LUZP2: variants seen among roughly 807,000 people sequenced by gnomAD.
The protein encoded by LUZP2 is leucine zipper protein 2.
Under a neutral mutation model 51.6 loss-of-function variants are expected in LUZP2, and 52 were observed. The ratio of observed to expected loss-of-function variants is 1.01; its 90% CI spans 0.81 to 1.27. The LOEUF is 1.27. LUZP2 is among the 50% of genes most tolerant of loss of function. The pLI is 0.00. For synonymous variants in LUZP2, 154 were observed against 137.3 expected (o/e 1.12, Z -0.85); for missense variants, 436 against 395.4 (o/e 1.10, Z -0.87).
intron 1 of LUZP2, among the ~76,000 whole-genome samples, chr11:24,662,949 A>G (rs533022126): frequency 1.3e-5 from 2 of 152,200 alleles, no homozygotes; most frequent in East Asian, 1.9e-4. Context: ...AAAATTCATT[A>G]AAATGATTCA....
At chr11:24,915,715 A>G (rs369321381) in intron 7 of LUZP2, among the ~76,000 whole-genome samples, 20 of 152,050 alleles carry the variant, frequency 1.3e-4, no homozygotes, top group African/African-American at 2.7e-4. Flanking sequence ...AGATAGGTAG[A>G]TAGATAGATG....
At position 25,028,476 on chromosome 11, in the gene LUZP2, G is replaced by T. The variant is rs193220403; in HGVS notation, c.766-21562G>T. ...ATCATTCAGCCATAAAAAAGAATGAGATTTTTTCATCTGTAACAGCATAGA... is the reference window on the plus strand; with the variant it reads ...ATCATTCAGCCATAAAAAAGAATGATATTTTTTCATCTGTAACAGCATAGA... On this transcript the variant is annotated intron_variant, in intron 9 of 11. Transcript: ENST00000336930. Among the ~76,000 whole-genome samples, 26 of 152,178 alleles carry T rather than the reference G, an allele frequency of 1.7e-4. 1 individual carries two copies. The East Asian group carries it at 4.3e-3, about 25-fold the overall frequency.
In LUZP2 at chr11:24,756,136, C is replaced by A. The variant is rs150820647; in HGVS notation, c.334-7110C>A. ...GTAGGCAAAGCTTAACTGTTTTAAT[C>A]AATTACCTATGACCTGAAAGCCACA... is the stretch of plus-strand genomic sequence containing the variant. On this transcript the variant is annotated intron_variant, in intron 4 of 11. Coordinates refer to ENST00000336930, the MANE Select transcript of LUZP2 (RefSeq NM_001009909.4). Among the ~76,000 whole-genome samples, 44 of 152,282 alleles carry A rather than the reference C, an allele frequency of 2.9e-4. No individual in the cohort carries two copies. The East Asian group carries it at 8.1e-3, about 28-fold the overall frequency.
intron 5 of LUZP2, among the ~76,000 whole-genome samples, chr11:24,819,072 A>G (rs546879994): frequency 6.6e-6 from 1 of 152,220 alleles, no homozygotes; most frequent in South Asian, 2.1e-4. Flanking sequence ...GGAAGACACA[A>G]TCTGGGTGCC....
Position 24,896,350 on chromosome 11 carries a change from G to T in LUZP2, c.397-9641G>T, listed in dbSNP as rs144936778. Among the ~76,000 whole-genome samples, 4 of 152,284 alleles carry T rather than the reference G, an allele frequency of 2.6e-5. 1 individual carries two copies. The highest frequency in any genetic ancestry group is 5.9e-5 in the Non-Finnish European group (4 of 68,020). ...TTGCGGGCCACAGTGAGTTCTGGGT[G>T]GGCGGGGCCTCAGCGGTCCCCACAC... On this transcript the variant is annotated intron_variant, in intron 5 of 11. Transcript: ENST00000336930.
Position 24,962,584 on chromosome 11 carries a change from C to T in LUZP2, c.523-14007C>T, listed in dbSNP as rs529442091. ...GCTCCTGAGGCTTCTGCATTCTTCA[C>T]GTAGTTCTTGAGCCTTAGCTTTCAG... On this transcript the variant is annotated intron_variant, in intron 7 of 11. Transcript: ENST00000336930. Among the ~76,000 whole-genome samples the T allele has an allele frequency of 3.8e-4, 58 of 152,318 alleles. 1 individual carries two copies. The highest frequency in any genetic ancestry group is 1.3e-3 in the African/African-American group (55 of 41,574).
intron 7 of LUZP2, among the ~76,000 whole-genome samples, chr11:24,946,545 A>T (rs549382055): frequency 3.3e-5 from 5 of 151,968 alleles, no homozygotes; most frequent in Non-Finnish European, 7.4e-5. Flanking sequence ...TTCTTAAATT[A>T]TTAGATTCTA....
At position 24,820,249 on chromosome 11, in the gene LUZP2, C is replaced by A. The variant is rs113404934; in HGVS notation, c.396+56941C>A. On this transcript the variant is annotated intron_variant, in intron 5 of 11. Transcript: ENST00000336930. ...TGGCACTGGTGCCATGTCATAGGCA[C>A]TCACAGGAGCTCATTATTCAGAGCC... Among the ~76,000 whole-genome samples the A allele has an allele frequency of 7.6e-3, 1,159 of 152,234 alleles. 16 individuals carry two copies. The highest frequency in any genetic ancestry group is 0.026 in the African/African-American group (1,090 of 41,558).
intron 5 of LUZP2, among the ~76,000 whole-genome samples, chr11:24,864,598 G>A (rs2134252064): frequency 6.6e-6 from 1 of 152,262 alleles, no homozygotes; most frequent in Non-Finnish European, 1.5e-5. Context: ...CCGCATGGTG[G>A]CAAGTTGTTT....
chr11:24,809,296 G>A (rs548642397), intron 5 of LUZP2, among the ~76,000 whole-genome samples: 8 of 152,242 alleles, frequency 5.3e-5, no homozygotes, highest in Middle Eastern at 6.8e-3. Context: ...ATTCACATGT[G>A]GAGTGGGAAG....
Position 25,048,486 on chromosome 11 carries a change from A to C in LUZP2, c.766-1552A>C, listed in dbSNP as rs12274480. Among the ~76,000 whole-genome samples the C allele has an allele frequency of 2.1e-3, 320 of 152,352 alleles. 2 individuals are homozygous for C. The highest frequency in any genetic ancestry group is 7.3e-3 in the African/African-American group (302 of 41,578). On this transcript the variant is annotated intron_variant, in intron 9 of 11. Transcript: ENST00000336930. ...CAATCAGATTAGGTGAACTCTATGA[A>C]GACCCAAATGCTACCTTTGTCATCT...
intron 5 of LUZP2, among the ~76,000 whole-genome samples, chr11:24,779,101 T>C (rs1300063951): frequency 6.6e-6 from 1 of 152,184 alleles, no homozygotes; most frequent in Non-Finnish European, 1.5e-5. Context: ...CCATGAACAA[T>C]TAACCAAGAT....
At chr11:24,879,608 A>G (rs1237049997) in intron 5 of LUZP2, among the ~76,000 whole-genome samples, 1 of 152,146 alleles carries the variant, frequency 6.6e-6, no homozygotes, top group East Asian at 1.9e-4. Context: ...AATAATTGCC[A>G]TTCTGACTGG....
chr11:24,774,362 C>CTCTCTCTCTCTCTATATATATA (rs776739280), intron 5 of LUZP2, among the ~76,000 whole-genome samples: 37 of 76,324 alleles, frequency 4.8e-4, no homozygotes, highest in East Asian at 3.4e-3. Context: ...CTCTCTCTCT[C>CTCTCTCTCTCTCTATATATATA]TATATATATA....
At chr11:25,021,315 G>A (rs1002831369) in intron 9 of LUZP2, among the ~76,000 whole-genome samples, 1 of 149,564 alleles carries the variant, frequency 6.7e-6, no homozygotes, top group African/African-American at 2.5e-5. Flanking sequence ...AAAAAAAAAG[G>A]ATGTTTTGGG....
intron 5 of LUZP2, among the ~76,000 whole-genome samples, chr11:24,881,348 C>T (rs527922478): frequency 8.0e-5 from 12 of 150,648 alleles, no homozygotes; most frequent in Non-Finnish European, 1.2e-4. Context: ...ACAGAACATT[C>T]GTCTTAGCAA....
intron 7 of LUZP2, among the ~76,000 whole-genome samples, chr11:24,965,672 T>G (rs999319625): frequency 2.0e-5 from 3 of 151,826 alleles, no homozygotes; most frequent in Non-Finnish European, 3.0e-5. Context: ...AATTTTTTAA[T>G]TAATACCTAC....
In LUZP2 at chr11:25,017,482, A is replaced by C. The variant is rs560588462; in HGVS notation, c.766-32556A>C. Among the ~76,000 whole-genome samples the C allele has an allele frequency of 8.5e-5, 13 of 152,204 alleles. 1 individual carries two copies. In the South Asian group the frequency reaches 2.7e-3, roughly 32 times the overall value. ...CAGTTTCATTCTTCTACATGTGGCT[A>C]TCCAGTTTTCTTTGCACCATTTATT... On this transcript the variant is annotated intron_variant, in intron 9 of 11. Transcript: ENST00000336930.
chr11:24,996,815 G>A (rs7930189), intron 9 of LUZP2, among the ~76,000 whole-genome samples: 71,724 of 151,176 alleles, frequency 0.47, 17,392 homozygotes, highest in Non-Finnish European at 0.51. Context: ...TCCCCTTCCT[G>A]TGTCCATGTG....
Sources: gnomAD v4.1 joint callset for allele counts (sites outside exome capture counted in the v4.1 genomes callset) on GRCh38, gnomAD v4.1.1 for gene constraint, MANE v1.5 for transcripts, NCBI Gene and HGNC (gene_info 2026-07-23, HGNC 2026-07-21) for gene names.